Variants in TFDP2 observed in about 807,000 individuals in gnomAD.
TFDP2 encodes transcription factor Dp-2.
A neutral mutation model predicts 59.3 loss-of-function variants in TFDP2; 17 were observed. The ratio of observed to expected loss-of-function variants is 0.29; its 90% CI spans 0.20 to 0.43. TFDP2 has a LOEUF of 0.43. Among genes scored for constraint, TFDP2 ranks in the 20% least tolerant of loss-of-function variants. TFDP2 has a pLI of 1.00. For synonymous variants in TFDP2, 180 were observed against 194.7 expected (o/e 0.92, Z 0.63); for missense variants, 391 against 528.8 (o/e 0.74, Z 2.56).
chr3:142,090,513 C>G (rs2060963500), intron 3 of TFDP2, among the ~76,000 whole-genome samples: 1 of 151,754 alleles, frequency 6.6e-6, no homozygotes, highest in Admixed American at 6.6e-5. Flanking sequence ...AACCCCCATT[C>G]TCTTTCTTTG....
chr3:141,986,183 T>G (rs2108119389), intron 6 of TFDP2, among the ~76,000 whole-genome samples: 1 of 152,320 alleles, frequency 6.6e-6, no homozygotes, highest in East Asian at 1.9e-4. Context: ...CTTTTCTTCT[T>G]ATGTAGTCCT....
In TFDP2 at chr3:142,093,362, T is replaced by C. The variant is rs182395535; in HGVS notation, c.16-235A>G. Reference sequence around the variant, plus strand: ...TACTTGGGAGGCTGAGGTCGGAGGATTGCTTGAGCCTGGGAGGCAGAGGTG... The same window carrying C: ...TACTTGGGAGGCTGAGGTCGGAGGACTGCTTGAGCCTGGGAGGCAGAGGTG... On this transcript the variant is annotated intron_variant, in intron 2 of 12. Coordinates refer to ENST00000489671, the MANE Select transcript of TFDP2 (RefSeq NM_001178139.2). 2.0e-3 allele frequency among the ~76,000 whole-genome samples: 305 copies of C among 152,068 alleles called. 3 individuals are homozygous for C. Among genetic ancestry groups the C allele is most frequent in the African/African-American group, 6.8e-3 (283 of 41,474 alleles).
chr3:141,977,089 C>CATAT lies in TFDP2; in HGVS notation c.519+1427_519+1430dup, dbSNP rs1275287133. On this transcript the variant is annotated intron_variant, in intron 7 of 12. Coordinates refer to ENST00000489671, the MANE Select transcript of TFDP2 (RefSeq NM_001178139.2). ...AGTGCTCTAGAGAAACAGTCATAGC[C>CATAT]ATATATATATATATATATTTTTTTT... Among the ~76,000 whole-genome samples, 119 of 110,922 alleles carry CATAT rather than the reference C, an allele frequency of 1.1e-3. 3 individuals are homozygous for CATAT. Among genetic ancestry groups the CATAT allele is most frequent in the Middle Eastern group, 4.6e-3 (1 of 218 alleles). 72.8% of individuals were successfully genotyped at this position (110,922 alleles called of 152,430 possible).
At chr3:142,004,637 T>C (rs1944074544) in intron 4 of TFDP2, among the ~76,000 whole-genome samples, 1 of 152,242 alleles carries the variant, frequency 6.6e-6, no homozygotes, top group Admixed American at 6.5e-5. Flanking sequence ...CATTCATTAT[T>C]TCTACTGCTA....
chr3:142,080,416 C>T (rs1300976285), intron 3 of TFDP2, among the ~76,000 whole-genome samples: 1 of 151,672 alleles, frequency 6.6e-6, no homozygotes, highest in Non-Finnish European at 1.5e-5. Flanking sequence ...AAAAGGAACG[C>T]AGGAAGGAAG....
At chr3:142,085,406 C>G (rs901267972) in intron 3 of TFDP2, among the ~76,000 whole-genome samples, 1 of 148,064 alleles carries the variant, frequency 6.8e-6, no homozygotes, top group East Asian at 1.9e-4. Context: ...CTATTATGTA[C>G]CCACAAAAAA....
At chr3:142,145,291 G>C (rs2063128612) in intron 1 of TFDP2, among the ~76,000 whole-genome samples, 1 of 152,102 alleles carries the variant, frequency 6.6e-6, no homozygotes, top group African/African-American at 2.4e-5. Flanking sequence ...GAGCAGGAGA[G>C]GTTGCCAGAA....
intron 1 of TFDP2, among the ~76,000 whole-genome samples, chr3:142,147,608 TG>T (rs2063221464): frequency 6.6e-6 from 1 of 152,116 alleles, no homozygotes; most frequent in South Asian, 2.1e-4. Flanking sequence ...CACCTAGAAA[TG>T]AAGAGAACTG....
At chr3:142,110,730 C>T (rs73233886) in intron 1 of TFDP2, among the ~76,000 whole-genome samples, 12,947 of 151,418 alleles carry the variant, frequency 0.086, 689 homozygotes, top group Middle Eastern at 0.14. Context: ...GGTAGGCAGA[C>T]TGCTTGAGCC....
At chr3:141,986,830 T>C (rs1196930058) in intron 6 of TFDP2, among the ~76,000 whole-genome samples, 1 of 152,212 alleles carries the variant, frequency 6.6e-6, no homozygotes, top group Non-Finnish European at 1.5e-5. Flanking sequence ...CTTTTCATTG[T>C]AGCCATTCTG....
At chr3:142,108,153 C>G (rs918789515) in intron 1 of TFDP2, among the ~76,000 whole-genome samples, 1 of 151,990 alleles carries the variant, frequency 6.6e-6, no homozygotes, top group African/African-American at 2.4e-5. Context: ...AACCTCTAAC[C>G]TCTTTGTTCT....
At chr3:142,119,311 C>T (rs1455625072) in intron 1 of TFDP2, among the ~76,000 whole-genome samples, 2 of 152,144 alleles carry the variant, frequency 1.3e-5, no homozygotes, top group Non-Finnish European at 2.9e-5. Flanking sequence ...AAAAAACTCT[C>T]AGTGTATCCG....
At position 141,968,444 on chromosome 3, in the gene TFDP2, C is replaced by CAT. The variant is rs528324350; in HGVS notation, c.732+1627_732+1628dup. Reference sequence around the variant, plus strand: ...ATATCTCATATATAGATATATATAACATATATATCTCATATATAGATATAT... The same window carrying CAT: ...ATATCTCATATATAGATATATATAACATATATATATCTCATATATAGATATAT... On this transcript the variant is annotated intron_variant, in intron 9 of 12. Transcript: ENST00000489671. Among the ~76,000 whole-genome samples the CAT allele has an allele frequency of 3.9e-4, 42 of 106,442 alleles. 1 individual carries two copies. Among genetic ancestry groups the CAT allele is most frequent in the Admixed American group, 7.9e-4 (7 of 8,836 alleles). The allele number at this position is 106,442 out of a possible 152,430, so 69.8% of individuals were successfully genotyped here.
At chr3:142,054,524 A>G (rs2059673613) in intron 3 of TFDP2, among the ~76,000 whole-genome samples, 1 of 152,034 alleles carries the variant, frequency 6.6e-6, no homozygotes, top group Non-Finnish European at 1.5e-5. Flanking sequence ...TCAACTATAA[A>G]CCCTCTGCTA....
chr3:142,061,901 C>G (rs1450238383), intron 3 of TFDP2, among the ~76,000 whole-genome samples: 2 of 124,756 alleles, frequency 1.6e-5, no homozygotes, highest in East Asian at 4.1e-4. Flanking sequence ...CACACACACA[C>G]ACACACACAC....
intron 3 of TFDP2, chr3:142,054,213 T>C (rs183736582): frequency 1.2e-3 from 189 of 152,320 alleles, no homozygotes; most frequent in African/African-American, 4.4e-3. Context: ...AGCAGTTTTA[T>C]TAATAATGCT....
intron 3 of TFDP2, among the ~76,000 whole-genome samples, chr3:142,020,669 C>T (rs1045626097): frequency 2.0e-5 from 3 of 149,016 alleles, no homozygotes; most frequent in Non-Finnish European, 3.0e-5. Flanking sequence ...TACTCATATA[C>T]CTTTTTCTTT....
intron 3 of TFDP2, among the ~76,000 whole-genome samples, chr3:142,035,585 C>A (rs1304721232): frequency 2.6e-5 from 4 of 152,190 alleles, no homozygotes; most frequent in African/African-American, 9.7e-5. Flanking sequence ...AGTGGTAAAA[C>A]TGAGATTCTA....
chr3:141,991,084 A>G (rs1942713276), intron 6 of TFDP2, among the ~76,000 whole-genome samples: 1 of 151,986 alleles, frequency 6.6e-6, no homozygotes, highest in Non-Finnish European at 1.5e-5. Flanking sequence ...AACAAACCCC[A>G]CTAATATACT....
Sources: allele counts gnomAD v4.1 joint callset (sites outside exome capture counted in the v4.1 genomes callset), GRCh38; gene constraint gnomAD v4.1.1; transcripts MANE v1.5; gene names NCBI Gene and HGNC (gene_info 2026-07-23, HGNC 2026-07-21).